CDYL: variants seen among roughly 807,000 people sequenced by gnomAD.
The protein encoded by CDYL is chromodomain Y-like protein.
In CDYL, 8 loss-of-function variants were observed where a neutral mutation model predicts 47.3. That is an observed-to-expected ratio of 0.17 (90% CI 0.10 to 0.31). CDYL has a LOEUF of 0.31. CDYL is among the 10% of genes least tolerant of loss of function. The probability of loss-of-function intolerance (pLI) is 1.00; values close to 1 mark genes in which losing one functional copy is unlikely to be tolerated. For missense variants in CDYL, 471 were observed against 701.4 expected, an observed-to-expected ratio of 0.67 and a Z score of 3.71; for synonymous variants, 266 against 265.0, an observed-to-expected ratio of 1.00 and a Z score of -0.04.
At chr6:4,870,953 GT>G (rs1761456801) in intron 1 of CDYL, among the ~76,000 whole-genome samples, 1 of 152,198 alleles carries the variant, frequency 6.6e-6, no homozygotes, top group Non-Finnish European at 1.5e-5. Flanking sequence ...TTGATGTGAA[GT>G]CCTTTTCCAC....
chr6:4,744,340 A>G (rs981046473), intron 3 of CDYL, among the ~76,000 whole-genome samples: 5 of 152,144 alleles, frequency 3.3e-5, no homozygotes, highest in Admixed American at 6.6e-5. Flanking sequence ...AAAAAATTTT[A>G]AAAATAGCCA....
At chr6:4,849,079 A>G (rs1760746530) in intron 1 of CDYL, among the ~76,000 whole-genome samples, 1 of 152,242 alleles carries the variant, frequency 6.6e-6, no homozygotes, top group African/African-American at 2.4e-5. Flanking sequence ...AGGTTTAATC[A>G]TATTTAGCTT....
chr6:4,900,801 A>G (rs376231621), intron 2 of CDYL, among the ~76,000 whole-genome samples: 3,552 of 76,434 alleles, frequency 0.046, 747 homozygotes, highest in African/African-American at 0.081. Context: ...ATATATATAT[A>G]TATATATATA....
chr6:4,912,707 A>AG, intron 2 of CDYL, among the ~76,000 whole-genome samples: 1 of 152,228 alleles, frequency 6.6e-6, no homozygotes, highest in Non-Finnish European at 1.5e-5. Flanking sequence ...TCCAGGATCA[A>AG]GGGGCCCCCT....
intron 1 of CDYL, among the ~76,000 whole-genome samples, chr6:4,785,415 A>C (rs1022767178): frequency 1.3e-5 from 2 of 152,078 alleles, no homozygotes; most frequent in African/African-American, 4.8e-5. Flanking sequence ...TGCTATGTGA[A>C]GTTTTCTTTG....
chr6:4,789,446 T>C (rs1296143934), intron 1 of CDYL, among the ~76,000 whole-genome samples: 2 of 152,114 alleles, frequency 1.3e-5, no homozygotes, highest in African/African-American at 4.8e-5. Context: ...GCACCACATC[T>C]GTCTTGCTGG....
chr6:4,727,782 G>T (rs1000550522), intron 2 of CDYL, among the ~76,000 whole-genome samples: 6 of 152,122 alleles, frequency 3.9e-5, no homozygotes, highest in Admixed American at 6.6e-5. Context: ...GATTTCAGCT[G>T]CCACCTGGGG....
intron 4 of CDYL, 31 bp downstream of exon 4, chr6:4,937,768 G>C: frequency 6.4e-7 from 1 of 1,574,586 alleles, no homozygotes; most frequent in South Asian, 1.2e-5. Context: ...TTAAACATTG[G>C]TTGGGTGTTT....
chr6:4,876,522 T>C (rs1447944728), intron 1 of CDYL, among the ~76,000 whole-genome samples: 2 of 151,112 alleles, frequency 1.3e-5, no homozygotes, highest in Non-Finnish European at 3.0e-5. Context: ...CTGATGGGCA[T>C]GTAGTTGTAA....
chr6:4,751,352 G>T (rs976540168), intron 3 of CDYL, among the ~76,000 whole-genome samples: 1 of 152,176 alleles, frequency 6.6e-6, no homozygotes, highest in Non-Finnish European at 1.5e-5. Flanking sequence ...GTCAAAATCT[G>T]CCTTTTATTG....
chr6:4,823,753 C>T (rs1269234487), intron 1 of CDYL, among the ~76,000 whole-genome samples: 1 of 152,170 alleles, frequency 6.6e-6, no homozygotes, highest in Non-Finnish European at 1.5e-5. Flanking sequence ...CTAACATTTG[C>T]CATTATAACA....
upstream of CDYL, among the ~76,000 whole-genome samples, chr6:4,774,010 T>G (rs921409015): frequency 6.6e-6 from 1 of 152,220 alleles, no homozygotes; most frequent in Non-Finnish European, 1.5e-5. Context: ...TCTATGTTCC[T>G]TTCTTTCCCT....
intron 3 of CDYL, among the ~76,000 whole-genome samples, chr6:4,762,343 A>G (rs75545820): frequency 0.023 from 3,574 of 152,304 alleles, 145 homozygotes; most frequent in African/African-American, 0.082. Flanking sequence ...GAAATATAAC[A>G]TCATCTCAGA....
intron 3 of CDYL, among the ~76,000 whole-genome samples, chr6:4,754,316 C>T (rs1758042647): frequency 6.6e-6 from 1 of 152,152 alleles, no homozygotes; most frequent in Non-Finnish European, 1.5e-5. Context: ...GAATGCAAAC[C>T]AATCACATTT....
At chr6:4,836,642 T>C (rs1760316744) in intron 1 of CDYL, among the ~76,000 whole-genome samples, 1 of 152,188 alleles carries the variant, frequency 6.6e-6, no homozygotes, top group Admixed American at 6.5e-5. Context: ...GCCTTATTTC[T>C]ATGCTGACCA....
At chr6:4,732,967 G>A (rs76178495) in intron 2 of CDYL, among the ~76,000 whole-genome samples, 6,146 of 152,170 alleles carry the variant, frequency 0.04, 408 homozygotes, top group African/African-American at 0.14. Flanking sequence ...TCCAAGAAAC[G>A]TCAGCAAATC....
At chr6:4,884,359 T>C (rs1409658249) in intron 1 of CDYL, among the ~76,000 whole-genome samples, 1 of 152,176 alleles carries the variant, frequency 6.6e-6, no homozygotes, top group African/African-American at 2.4e-5. Flanking sequence ...ATCATGATAA[T>C]TGGAGTCCTG....
At chr6:4,849,923 A>C (rs1371499068) in intron 1 of CDYL, among the ~76,000 whole-genome samples, 2 of 121,832 alleles carry the variant, frequency 1.6e-5, no homozygotes, top group Non-Finnish European at 3.3e-5. Flanking sequence ...AAGGGGATAG[A>C]ATTGGGGGGA....
chr6:4,940,677 C>T (rs1366487242), intron 4 of CDYL, among the ~76,000 whole-genome samples: 4 of 152,186 alleles, frequency 2.6e-5, no homozygotes, highest in East Asian at 3.8e-4. Context: ...TGAAGTCTGC[C>T]AGAACCAGTA....
Sources: allele counts gnomAD v4.1 joint callset (sites outside exome capture counted in the v4.1 genomes callset), GRCh38; gene constraint gnomAD v4.1.1; transcripts MANE v1.5; gene names NCBI Gene and HGNC (gene_info 2026-07-23, HGNC 2026-07-21).